The following RFX2 variants were observed in gnomAD, a reference collection of about 807,000 sequenced individuals.
The protein encoded by RFX2 is DNA-binding protein RFX2.
A neutral mutation model predicts 87.8 loss-of-function variants in RFX2; 20 were observed. The observed-to-expected ratio is 0.23, with a 90% CI of 0.16 to 0.33. RFX2 has a LOEUF of 0.33. Among genes scored for constraint, RFX2 ranks in the 10% least tolerant of loss-of-function variants. The probability of loss-of-function intolerance (pLI) is 1.00; values close to 1 mark genes in which losing one functional copy is unlikely to be tolerated. For synonymous variants in RFX2, 397 were observed against 431.3 expected, an observed-to-expected ratio of 0.92 and a Z score of 0.98; for missense variants, 767 against 1,012.3, an observed-to-expected ratio of 0.76 and a Z score of 3.29.
In RFX2 at chr19:6,011,449, G is replaced by T. The variant is rs1938870818; in HGVS notation, c.900-1198C>A. Among the ~76,000 whole-genome samples, 1 of 152,240 alleles carries T rather than the reference G, an allele frequency of 6.6e-6. No individual in the cohort carries two copies. Among genetic ancestry groups the T allele is most frequent in the African/African-American group, 2.4e-5 (1 of 41,466 alleles). On this transcript the variant is annotated intron_variant, in intron 8 of 17. Transcript: ENST00000303657. This position sits in a 1 kb window ranked among gnomAD's most constrained non-coding sequence, Gnocchi z 4.8. ...GCGGGAGACCATGCTGGCGAGGTGT[G>T]TGTAAACCACCTGGCTCAGGGCAGG...
Position 6,039,969 on chromosome 19 carries a change from C to T in RFX2, c.522+11G>A. The T allele has an allele frequency of 1.9e-6, 3 of 1,552,988 alleles. No individual in the cohort carries two copies. The highest frequency in any genetic ancestry group is 2.6e-6 in the Non-Finnish European group (3 of 1,142,556). On this transcript the variant is annotated intron_variant, in intron 5 of 17. Transcript: ENST00000303657. This position sits in a 1 kb window ranked among gnomAD's most constrained non-coding sequence, Gnocchi z 5.2. ...GGCCTACCCTGCTGGTCCCAAGAGC[C>T]TCCTACATACCGTGGCGGGCGATGA... is the stretch of plus-strand genomic sequence containing the variant.
rs1458879226 is a variant in RFX2 at position 6,040,097 on chromosome 19, G to C, written c.405C>G (p.Ile135Met). Residue 135 changes from isoleucine to methionine, a missense_variant, in exon 5 of 18, where the codon ATC becomes ATG. Around this residue, in one of 2 missense-constraint regions of RFX2, gnomAD observed 621 missense variants for 873.0 expected, o/e 0.71. Transcript: ENST00000303657. The surrounding 1 kb of genome is among the most constrained non-coding windows in gnomAD (Gnocchi z 6.1). ...PAVPSHSMVGITMDVGGSPIV... is the reference protein window; with the variant it reads ...PAVPSHSMVGMTMDVGGSPIV... ...TGGGGCTCCCCCCGACATCCATGGT[G>C]ATGCCCACCATGCTGTGGGAGGGGA... 1 of 1,612,346 alleles carries C rather than the reference G, an allele frequency of 6.2e-7. No individual in the cohort carries two copies. Among genetic ancestry groups the C allele is most frequent in the East Asian group, 2.2e-5 (1 of 44,870 alleles).
intron 1 of RFX2, among the ~76,000 whole-genome samples, chr19:6,108,041 A>T (rs569219194): frequency 6.6e-6 from 1 of 152,328 alleles, no homozygotes; most frequent in East Asian, 1.9e-4. Context: ...TATAAGAAAG[A>T]ACTTAAAAAA....
intron 1 of RFX2, among the ~76,000 whole-genome samples, chr19:6,070,494 G>A (rs899172742): frequency 2.6e-5 from 4 of 151,982 alleles, no homozygotes; most frequent in African/African-American, 7.3e-5. Context: ...CAGGGTGGAC[G>A]GGCTTGAAGC....
Position 6,004,277 on chromosome 19 carries a change from C to T in RFX2, c.1424G>A (p.Arg475His). 3 of 1,613,896 alleles carry T rather than the reference C, an allele frequency of 1.9e-6. No homozygotes were observed. The highest frequency in any genetic ancestry group is 2.5e-6 in the Non-Finnish European group (3 of 1,179,882). ...GCCTTCCAAGCTCTTGGCAAAGTTA[C>T]GGATGGCCTGTGTCAAGGTACCTGG... ...PVPSTLTQAI[R>H]NFAKSLEGWL... Residue 475 changes from arginine to histidine, a missense_variant, in exon 13 of 18, where the codon CGT (arginine) becomes CAT (histidine). Around this residue, in one of 2 missense-constraint regions of RFX2, gnomAD observed 621 missense variants for 873.0 expected, o/e 0.71. Transcript: ENST00000303657. This position sits in a 1 kb window ranked among gnomAD's most constrained non-coding sequence, Gnocchi z 4.8.
chr19:6,000,302 C>T (rs6510867), intron 15 of RFX2, among the ~76,000 whole-genome samples: 24,290 of 152,190 alleles, frequency 0.16, 2,052 homozygotes, highest in East Asian at 0.3. Context: ...CTCGTTTTCA[C>T]GCTTGCCAGA....
chr19:6,076,001 C>T (rs1599910250), intron 1 of RFX2, among the ~76,000 whole-genome samples: 1 of 152,136 alleles, frequency 6.6e-6, no homozygotes, highest in South Asian at 2.1e-4. Flanking sequence ...AAATACACAG[C>T]GTCACCCCTT....
At chr19:5,995,714 G>A in intron 16 of RFX2, 71 bp from the exon 17 acceptor site, 1 of 1,386,464 alleles carries the variant, frequency 7.2e-7, no homozygotes, top group Non-Finnish European at 1.0e-6. Context: ...CTCGGGGGAT[G>A]CCGGCCCAAC....
At chr19:6,033,434 G>C (rs1396018522) in intron 5 of RFX2, among the ~76,000 whole-genome samples, 1 of 152,134 alleles carries the variant, frequency 6.6e-6, no homozygotes, top group African/African-American at 2.4e-5. Flanking sequence ...TGTCACTTCA[G>C]ACAAAGAAGG....
chr19:6,042,618 C>A (rs1284183017), intron 3 of RFX2, among the ~76,000 whole-genome samples: 4 of 152,212 alleles, frequency 2.6e-5, no homozygotes, highest in Non-Finnish European at 4.4e-5. Context: ...GGCCCCAACA[C>A]CCCCCGTGGG....
Position 6,002,682 on chromosome 19 carries a change from G to A in RFX2, c.1650+39C>T, listed in dbSNP as rs371099128. On this transcript the variant is annotated intron_variant, in intron 14 of 17. Coordinates refer to ENST00000303657, the MANE Select transcript of RFX2 (RefSeq NM_000635.4). This position sits in a 1 kb window ranked among gnomAD's most constrained non-coding sequence, Gnocchi z 6.7. ...GGGTTTGCTGGTTTTGCTGGAGGGC[G>A]GGAAGCCCGGGCCCTGGGGACGGTG... The A allele has an allele frequency of 1.4e-5, 23 of 1,606,432 alleles. No homozygotes were observed. The highest frequency in any genetic ancestry group is 9.3e-5 in the African/African-American group (7 of 74,922).
intron 9 of RFX2, among the ~76,000 whole-genome samples, chr19:6,008,877 G>A (rs1363204803): frequency 2.7e-5 from 4 of 150,586 alleles, no homozygotes; most frequent in Admixed American, 6.6e-5. Context: ...ATGGGGTTTC[G>A]CCATGTTGGC....
intron 5 of RFX2, among the ~76,000 whole-genome samples, chr19:6,035,850 GGTGTGTGT>G (rs34008943): frequency 2.0e-4 from 27 of 137,246 alleles, no homozygotes; most frequent in Non-Finnish European, 3.5e-4. Flanking sequence ...CTTGGTGGGG[GGTGTGTGT>G]GTGTGTGTGT....
rs547728358 is a variant in RFX2 at position 6,064,592 on chromosome 19, G to A, written c.-8-17088C>T. 3.0e-4 allele frequency among the ~76,000 whole-genome samples: 45 copies of A among 152,322 alleles called. 1 individual carries two copies. Among genetic ancestry groups the A allele is most frequent in the South Asian group, 2.7e-3 (13 of 4,826 alleles). On this transcript the variant is annotated intron_variant, in intron 1 of 17. Coordinates refer to ENST00000303657, the MANE Select transcript of RFX2 (RefSeq NM_000635.4). This position sits in a 1 kb window ranked among gnomAD's most constrained non-coding sequence, Gnocchi z 4.8. ...CTTTCTCAGCCTGGTGACCTGACCC[G>A]GCAGCACGCCCACTGGGCACCTGTG...
intron 5 of RFX2, among the ~76,000 whole-genome samples, chr19:6,029,932 A>G (rs2086934758): frequency 6.6e-6 from 1 of 152,228 alleles, no homozygotes; most frequent in Admixed American, 6.5e-5. Flanking sequence ...GAGATTACCC[A>G]GTCTGAGGAG....
intron 1 of RFX2, among the ~76,000 whole-genome samples, chr19:6,090,949 C>T (rs528513449): frequency 3.0e-4 from 45 of 152,106 alleles, no homozygotes; most frequent in Non-Finnish European, 5.0e-4. Context: ...AAGTCAGTCA[C>T]GAAAAAGGTC....
intron 6 of RFX2, among the ~76,000 whole-genome samples, chr19:6,025,298 C>T (rs2086872757): frequency 6.6e-6 from 1 of 152,176 alleles, no homozygotes. Flanking sequence ...ATGCCCCCAA[C>T]CTCCTGTCAT....
intron 1 of RFX2, among the ~76,000 whole-genome samples, chr19:6,069,073 A>G (rs1307521959): frequency 6.6e-6 from 1 of 152,290 alleles, no homozygotes; most frequent in Non-Finnish European, 1.5e-5. Flanking sequence ...ATTACCCAAG[A>G]AAAAGGCCTG....
rs1331937365 is a variant in RFX2 at position 6,010,554 on chromosome 19, G to T, written c.900-303C>A. On this transcript the variant is annotated intron_variant, in intron 8 of 17. Coordinates refer to ENST00000303657, the MANE Select transcript of RFX2 (RefSeq NM_000635.4). The surrounding 1 kb of genome is among the most constrained non-coding windows in gnomAD (Gnocchi z 5.0). ...TCCCCATCCCTGTCCCCAGCCCCTG[G>T]CACCCCTGATCTGACTTCCCGTCTC... Among the ~76,000 whole-genome samples the T allele has an allele frequency of 6.6e-6, 1 of 151,994 alleles. No individual in the cohort carries two copies. Among genetic ancestry groups the T allele is most frequent in the Non-Finnish European group, 1.5e-5 (1 of 68,002 alleles).
Sources: gnomAD v4.1 joint callset for allele counts (sites outside exome capture counted in the v4.1 genomes callset) on GRCh38, gnomAD v4.1.1 for gene constraint, gnomAD v4.1.1 regional missense constraint, Gnocchi (gnomAD v3.1) non-coding constraint, MANE v1.5 for transcripts, NCBI Gene and HGNC (gene_info 2026-07-23, HGNC 2026-07-21) for gene names.